Variants in SYNE1 observed in about 807,000 individuals in gnomAD.
The protein encoded by SYNE1 is spectrin repeat containing nuclear envelope protein 1, also known as nesprin-1.
SYNE1 carries 616 observed loss-of-function variants against 1,111.0 expected under a neutral mutation model. The ratio of observed to expected loss-of-function variants is 0.55; its 90% CI spans 0.52 to 0.59. SYNE1 has a LOEUF of 0.59. Among genes scored for constraint, SYNE1 ranks in the 20% least tolerant of loss-of-function variants. SYNE1 has a pLI of 0.00. For missense variants in SYNE1, 10,006 were observed against 10,417.0 expected (o/e 0.96, Z 1.72); for synonymous variants, 3,855 against 3,825.8 (o/e 1.01, Z -0.28).
intron 97 of SYNE1, among the ~76,000 whole-genome samples, chr6:152,280,584 T>C (rs571866990): frequency 6.6e-6 from 1 of 152,344 alleles, no homozygotes; most frequent in African/African-American, 2.4e-5. Flanking sequence ...TTTAATACTT[T>C]GGAAAAGTAT....
At chr6:152,195,905 A>G (rs1309741458) in intron 127 of SYNE1, among the ~76,000 whole-genome samples, 1 of 152,148 alleles carries the variant, frequency 6.6e-6, no homozygotes, top group Non-Finnish European at 1.5e-5. Context: ...CAGGTGGTCG[A>G]GAGATGCCAG....
intron 3 of SYNE1, among the ~76,000 whole-genome samples, chr6:152,622,301 G>A (rs1305842094): frequency 2.0e-5 from 3 of 152,100 alleles, no homozygotes; most frequent in Admixed American, 2.0e-4. Context: ...AGGGGTACAT[G>A]TGCAGGTATG....
At chr6:152,452,513 T>C (rs182167359) in intron 25 of SYNE1, among the ~76,000 whole-genome samples, 59 of 152,358 alleles carry the variant, frequency 3.9e-4, no homozygotes, top group African/African-American at 1.4e-3. Context: ...TGCACAGGGA[T>C]AATTATTTAG....
intron 127 of SYNE1, among the ~76,000 whole-genome samples, chr6:152,200,696 C>A (rs1364724622): frequency 3.3e-5 from 5 of 152,128 alleles, no homozygotes; most frequent in African/African-American, 1.2e-4. Flanking sequence ...CACCCGGCTT[C>A]TTTATTTTTA....
At chr6:152,168,709 T>G (rs1035884006) in intron 130 of SYNE1, among the ~76,000 whole-genome samples, 7 of 152,116 alleles carry the variant, frequency 4.6e-5, no homozygotes, top group African/African-American at 1.7e-4. Context: ...GCCAGCTCGG[T>G]AGTGTATGCA....
rs770171766 is a variant in SYNE1 at position 152,230,708 on chromosome 6, C to T, written c.21040-6G>A. 7.4e-6 allele frequency: 12 copies of T among 1,613,612 alleles called. No homozygotes were observed. The East Asian group carries it at 8.9e-5, about 12-fold the overall frequency. ...AAGCCTTCCAACAGCTGGATCTGAA[C>T]AAACACAATAAAATGAAATTTGCAA... On this transcript the variant is annotated splice_polypyrimidine_tract_variant and splice_region_variant and intron_variant, in intron 114 of 145. Coordinates refer to ENST00000367255, the MANE Select transcript of SYNE1 (RefSeq NM_182961.4).
intron 3 of SYNE1, among the ~76,000 whole-genome samples, chr6:152,544,493 A>C (rs987527370): frequency 6.6e-6 from 1 of 151,488 alleles, no homozygotes; most frequent in Non-Finnish European, 1.5e-5. Flanking sequence ...CTATATAAAC[A>C]CCTAGCTCTG....
intron 12 of SYNE1, among the ~76,000 whole-genome samples, chr6:152,488,016 A>C (rs936922381): frequency 1.3e-5 from 2 of 151,238 alleles, no homozygotes; most frequent in African/African-American, 4.9e-5. Context: ...CAGAGCTTGC[A>C]GTGATCCAAG....
chr6:152,450,876 C>G (rs759688222), intron 26 of SYNE1, 43 bp from the exon 27 acceptor site: 1 of 1,602,038 alleles, frequency 6.2e-7, no homozygotes, highest in Non-Finnish European at 8.5e-7. Flanking sequence ...TGAGAAGCCA[C>G]ACAGTACTTC....
rs183362092 is a variant in SYNE1 at position 152,307,706 on chromosome 6, C to T, written c.17346+783G>A. On this transcript the variant is annotated intron_variant, in intron 91 of 145. Transcript: ENST00000367255. ...GGAACAAGGAAAGAACATTTGAAAA[C>T]GAGGCACATGTTAGCTGGCCCAATC... is the stretch of plus-strand genomic sequence containing the variant. Among the ~76,000 whole-genome samples the T allele has an allele frequency of 1.7e-3, 258 of 152,266 alleles. 1 individual carries two copies. Among genetic ancestry groups the T allele is most frequent in the African/African-American group, 5.6e-3 (234 of 41,564 alleles).
At chr6:152,512,349 A>G (rs1482746957) in intron 6 of SYNE1, among the ~76,000 whole-genome samples, 2 of 152,096 alleles carry the variant, frequency 1.3e-5, no homozygotes, top group African/African-American at 4.8e-5. Flanking sequence ...TCAGTATAAG[A>G]CGTTTAAGAT....
At chr6:152,355,959 CAT>C (rs748496396) in intron 66 of SYNE1, among the ~76,000 whole-genome samples, 12 of 152,100 alleles carry the variant, frequency 7.9e-5, no homozygotes, top group Non-Finnish European at 1.6e-4. Flanking sequence ...AATGTAAAGA[CAT>C]ATGCACATGG....
chr6:152,318,451 T>C (rs1048172055), intron 85 of SYNE1, 188 bp from the exon 86 acceptor site: 2 of 673,952 alleles, frequency 3.0e-6, no homozygotes, highest in Admixed American at 2.6e-5. Context: ...GTAATGCTGG[T>C]GTTTATTTCC....
rs1279573379 is a variant in SYNE1 at position 152,284,031 on chromosome 6, C to T, written c.18154G>A (p.Glu6052Lys). 3.1e-6 allele frequency: 5 copies of T among 1,614,078 alleles called. No individual in the cohort carries two copies. The highest frequency in any genetic ancestry group is 1.7e-5 in the Admixed American group (1 of 60,002). Reference protein sequence around the residue: ...ALQSTLTVLAERMSTIRMKAS... With the variant: ...ALQSTLTVLAKRMSTIRMKAS... Reference sequence around the variant, plus strand: ...TTCATCCTGATGGTGGACATTCGCTCGGCTAAGACAGTGAGCGTGGACTGC... The same window carrying T: ...TTCATCCTGATGGTGGACATTCGCTTGGCTAAGACAGTGAGCGTGGACTGC... Residue 6052 changes from glutamate (E) to lysine (K), a missense_variant, in exon 96 of 146, where the codon GAG becomes AAG. By Grantham distance (56) the Glu-to-Lys change is moderately conservative. Around this residue, in one of 7 missense-constraint regions of SYNE1, gnomAD observed 99 missense variants for 147.8 expected, o/e 0.67. Coordinates refer to ENST00000367255, the MANE Select transcript of SYNE1 (RefSeq NM_182961.4).
At chr6:152,176,326 A>G in intron 130 of SYNE1, 68 bp downstream of exon 130, 10 of 1,601,626 alleles carry the variant, frequency 6.2e-6, no homozygotes, top group Non-Finnish European at 8.5e-6. Context: ...TCTTTGGCTG[A>G]TGAAAGGCAG....
chr6:152,221,712 G>C (rs1022970154), intron 117 of SYNE1, among the ~76,000 whole-genome samples, 153 bp from the exon 118 acceptor site: 2 of 152,168 alleles, frequency 1.3e-5, no homozygotes, highest in African/African-American at 2.4e-5. Context: ...GCTTTCTTTA[G>C]ATAATCATTT....
intron 123 of SYNE1, among the ~76,000 whole-genome samples, chr6:152,212,450 T>C (rs1393224750): frequency 2.6e-5 from 4 of 152,228 alleles, no homozygotes; most frequent in Non-Finnish European, 5.9e-5. Context: ...GCAACATATA[T>C]CAGTACCTTA....
intron 58 of SYNE1, chr6:152,375,946 T>A (rs2154102338): frequency 1.2e-5 from 2 of 166,994 alleles, no homozygotes; most frequent in Middle Eastern, 6.2e-3. Flanking sequence ...CTTTTATATG[T>A]TCTGCCCTTC....
chr6:152,283,954 G>A, intron 96 of SYNE1, 24 bp downstream of exon 96: 4 of 1,591,258 alleles, frequency 2.5e-6, no homozygotes, highest in South Asian at 1.1e-5. Flanking sequence ...GAAGTGAGGA[G>A]GCCACTTTAC....
Sources: allele counts gnomAD v4.1 joint callset (sites outside exome capture counted in the v4.1 genomes callset), GRCh38; gene constraint gnomAD v4.1.1; regional missense constraint gnomAD v4.1.1; transcripts MANE v1.5; gene names NCBI Gene and HGNC (gene_info 2026-07-23, HGNC 2026-07-21).